Variants in ZMIZ1 observed in about 807,000 individuals in gnomAD.
ZMIZ1 encodes the protein zinc finger MIZ-type containing 1.
A neutral mutation model predicts 113.9 loss-of-function variants in ZMIZ1; 17 were observed. The observed-to-expected ratio is 0.15, with a 90% CI of 0.10 to 0.22. The LOEUF (loss-of-function observed/expected upper bound fraction) is 0.22, where lower values mean the gene tolerates loss of function less well. ZMIZ1 is among the 10% of genes least tolerant of loss of function. The pLI is 1.00. For synonymous variants in ZMIZ1, 607 were observed against 603.1 expected, an observed-to-expected ratio of 1.01 and a Z score of -0.09; for missense variants, 1,059 against 1,477.8, an observed-to-expected ratio of 0.72 and a Z score of 4.65.
chr10:79,185,508 C>CTT (rs72515568), intron 4 of ZMIZ1, among the ~76,000 whole-genome samples: 1 of 148,484 alleles, frequency 6.7e-6, no homozygotes, highest in Non-Finnish European at 1.5e-5. Context: ...ACTTCTACAT[C>CTT]TTTTTTTTTT....
At chr10:79,139,865 G>C in intron 3 of ZMIZ1, 88 bp downstream of exon 3, 1 of 398,644 alleles carries the variant, frequency 2.5e-6, no homozygotes, top group Non-Finnish European at 4.4e-6. Flanking sequence ...GAAGTGCTGT[G>C]GCTGGACCAG....
chr10:79,298,389 C>T lies in ZMIZ1; in HGVS notation c.1492-17C>T, dbSNP rs1178548778. 3.1e-6 allele frequency: 5 copies of T among 1,605,654 alleles called. No homozygotes were observed. The South Asian group carries it at 5.5e-5, about 18-fold the overall frequency. Reference sequence around the variant, plus strand: ...CCGTAATCCCATAACTCGTGCGTGTCTTTTCTTTCCCTCCAGCCTCCCAGG... The same window carrying T: ...CCGTAATCCCATAACTCGTGCGTGTTTTTTCTTTCCCTCCAGCCTCCCAGG... On this transcript the variant is annotated splice_polypyrimidine_tract_variant and intron_variant, in intron 14 of 24. Transcript: ENST00000334512.
In ZMIZ1 at chr10:79,296,737, C is replaced by A; in HGVS notation, c.1413+84C>A. 7.3e-7 allele frequency: 1 copy of A among 1,364,920 alleles called. No individual in the cohort carries two copies. The highest frequency in any genetic ancestry group is 9.8e-7 in the Non-Finnish European group (1 of 1,015,280). The allele number at this position is 1,364,920 out of a possible 1,614,324, so 84.6% of individuals were successfully genotyped here. A position where few individuals can be genotyped will look rare whatever the true frequency, so the allele number is the denominator to read the frequency against. On this transcript the variant is annotated intron_variant, in intron 13 of 24. Transcript: ENST00000334512. The surrounding 1 kb of genome is among the most constrained non-coding windows in gnomAD (Gnocchi z 4.1). ...CCTAACTCCACCGGGATCACTCTGA[C>A]CCTGCGTGTGTTTGCCCCAAGGACA...
chr10:79,126,491 CTG>C (rs1208917866), intron 2 of ZMIZ1, among the ~76,000 whole-genome samples: 1 of 152,180 alleles, frequency 6.6e-6, no homozygotes, highest in African/African-American at 2.4e-5. Context: ...AATGACCAGA[CTG>C]TGAACCAAAC....
At chr10:79,155,972 T>A (rs1845890192) in intron 3 of ZMIZ1, among the ~76,000 whole-genome samples, 1 of 152,134 alleles carries the variant, frequency 6.6e-6, no homozygotes, top group African/African-American at 2.4e-5. Flanking sequence ...GGATTACCCA[T>A]CTCCTGTGTC....
chr10:79,284,426 T>G (rs1852932751), intron 8 of ZMIZ1, among the ~76,000 whole-genome samples: 1 of 152,176 alleles, frequency 6.6e-6, no homozygotes, highest in Admixed American at 6.5e-5. Flanking sequence ...CTCAGAGGCT[T>G]GAGAAGCACA....
At chr10:79,232,759 G>A (rs1053490671) in intron 7 of ZMIZ1, among the ~76,000 whole-genome samples, 8 of 152,100 alleles carry the variant, frequency 5.3e-5, no homozygotes, top group Non-Finnish European at 1.2e-4. Context: ...TCAGCTTTAC[G>A]AAAATATTAA....
chr10:79,172,327 C>T (rs1046535175), intron 4 of ZMIZ1, among the ~76,000 whole-genome samples: 1 of 152,170 alleles, frequency 6.6e-6, no homozygotes, highest in African/African-American at 2.4e-5. Context: ...GACAGACCCA[C>T]CCTCCCTAGA....
rs543105129 is a variant in ZMIZ1, at chr10:79,163,754, C to G, written c.-50+1621C>G. On this transcript the variant is annotated intron_variant, in intron 4 of 24. Transcript: ENST00000334512. ...AAGCCACTCCATTTCTGCCCTGCAG[C>G]CTTTGCCCAGCCCGCCAAGTCCGCT... Among the ~76,000 whole-genome samples, 7 of 152,354 alleles carry G rather than the reference C, an allele frequency of 4.6e-5. No individual in the cohort carries two copies. The South Asian group carries it at 1.5e-3, about 32-fold the overall frequency.
intron 7 of ZMIZ1, among the ~76,000 whole-genome samples, chr10:79,263,140 C>T (rs910715820): frequency 1.8e-4 from 28 of 152,240 alleles, no homozygotes; most frequent in African/African-American, 5.3e-4. Context: ...AGCGCAGTGG[C>T]GCAGTGACAG....
At position 79,316,185 on chromosome 10, in the gene ZMIZ1, A is replaced by C. The variant is rs1855523605; in HGVS notation, c.*3436A>C. 1 of 152,648 alleles carries C rather than the reference A, an allele frequency of 6.6e-6. No homozygotes were observed. The highest frequency in any genetic ancestry group is 1.5e-5 in the Non-Finnish European group (1 of 68,042). 9.5% of individuals were successfully genotyped at this position (152,648 alleles called of 1,614,324 possible). A position where few individuals can be genotyped will look rare whatever the true frequency, so the allele number is the denominator to read the frequency against. On this transcript the variant is annotated 3_prime_UTR_variant, in exon 25 of 25. Transcript: ENST00000334512. ...CACACGTACACACATAAACACACCC[A>C]CCAGTGCAGCCTGAAGTAACTCCCA...
intron 2 of ZMIZ1, among the ~76,000 whole-genome samples, chr10:79,133,291 G>T (rs139426039): frequency 6.6e-6 from 1 of 152,258 alleles, no homozygotes; most frequent in African/African-American, 2.4e-5. Context: ...TGCTTCCTCT[G>T]GGTTCCTGCC....
chr10:79,279,973 G>A (rs1054435575), intron 8 of ZMIZ1, among the ~76,000 whole-genome samples: 4 of 150,470 alleles, frequency 2.7e-5, no homozygotes, highest in African/African-American at 4.9e-5. Flanking sequence ...GAGGGGGAGG[G>A]AGAGGGGTAT....
At chr10:79,304,845 C>T (rs1854570311) in intron 19 of ZMIZ1, among the ~76,000 whole-genome samples, 1 of 152,158 alleles carries the variant, frequency 6.6e-6, no homozygotes, top group Non-Finnish European at 1.5e-5. Context: ...GGGGCTACCC[C>T]TGGCCTGGTT....
chr10:79,296,526 G>T lies in ZMIZ1; in HGVS notation c.1286G>T (p.Gly429Val), dbSNP rs1853901543. The T allele has an allele frequency of 1.9e-6, 3 of 1,613,872 alleles. No individual in the cohort carries two copies. Among genetic ancestry groups the T allele is most frequent in the Non-Finnish European group, 2.5e-6 (3 of 1,179,922 alleles). The part of the protein sequence containing the change: ...GPNSQFPTQP[G>V]QYPAPNPPRP... The stretch of plus-strand genomic sequence containing the variant: ...AACAGCCAGTTCCCCACCCAGCCAG[G>T]CCAGTACCCAGCCCCCAACCCCCCG... Residue 429 changes from glycine (G) to valine (V), a missense_variant, in exon 13 of 25, where the codon GGC becomes GTC. Gly to Val is a moderately radical substitution (Grantham distance 109, BLOSUM62 -3). This residue lies in a region of ZMIZ1 where 239 missense variants were observed against 247.5 expected (regional missense o/e 0.97). Coordinates refer to ENST00000334512, the MANE Select transcript of ZMIZ1 (RefSeq NM_020338.4). This position sits in a 1 kb window ranked among gnomAD's most constrained non-coding sequence, Gnocchi z 4.1.
At chr10:79,270,653 A>G (rs1045160955) in intron 7 of ZMIZ1, among the ~76,000 whole-genome samples, 3 of 152,206 alleles carry the variant, frequency 2.0e-5, no homozygotes, top group African/African-American at 4.8e-5. Context: ...TGGAGACGCT[A>G]CAAAGACTAG....
At chr10:79,163,547 C>A (rs1426415992) in intron 4 of ZMIZ1, among the ~76,000 whole-genome samples, 1 of 152,258 alleles carries the variant, frequency 6.6e-6, no homozygotes, top group East Asian at 1.9e-4. Flanking sequence ...TTTACCCCCA[C>A]AAGAATCCCA....
At chr10:79,281,418 C>T (rs776396443) in intron 8 of ZMIZ1, among the ~76,000 whole-genome samples, 25 of 152,190 alleles carry the variant, frequency 1.6e-4, no homozygotes, top group Non-Finnish European at 2.5e-4. Flanking sequence ...ACTTGAAGGA[C>T]TTCGGCTGGG....
chr10:79,303,895 G>C, intron 18 of ZMIZ1, 120 bp from the exon 19 acceptor site: 1 of 1,399,866 alleles, frequency 7.1e-7, no homozygotes, highest in Non-Finnish European at 9.8e-7. Context: ...GTTTGGTGTG[G>C]GCTGGGAGGA....
Sources: allele counts gnomAD v4.1 joint callset (sites outside exome capture counted in the v4.1 genomes callset), GRCh38; gene constraint gnomAD v4.1.1; regional missense constraint gnomAD v4.1.1; non-coding constraint Gnocchi (gnomAD v3.1); transcripts MANE v1.5; gene names NCBI Gene and HGNC (gene_info 2026-07-23, HGNC 2026-07-21).